Variants in MCFD2 observed in about 807,000 individuals in gnomAD.
MCFD2 encodes multiple coagulation factor deficiency 2, ER cargo receptor complex subunit.
A neutral mutation model predicts 12.8 loss-of-function variants in MCFD2; 11 were observed. That is an observed-to-expected ratio of 0.86 (90% confidence interval 0.54 to 1.42). MCFD2 has a LOEUF of 1.42. MCFD2 is among the 40% of genes most tolerant of loss of function. The pLI, the probability that MCFD2 is intolerant of heterozygous loss-of-function variation, is 0.00. For synonymous variants in MCFD2, 70 were observed against 68.1 expected, an observed-to-expected ratio of 1.03 and a Z score of -0.14; for missense variants, 191 against 178.6, an observed-to-expected ratio of 1.07 and a Z score of -0.40.
chr2:46,907,595 A>C lies in MCFD2; in HGVS notation c.309+215T>G. ...GTTTGTTTTGTAGAGACAGGGTCTC[A>C]CTATATTGCCAAGGCTGGTCTTGAA... On this transcript the variant is annotated intron_variant, in intron 3 of 3. Coordinates refer to ENST00000319466, the MANE Select transcript of MCFD2 (RefSeq NM_139279.6). The surrounding 1 kb of genome is among the most constrained non-coding windows in gnomAD (Gnocchi z 4.1). The C allele has an allele frequency of 1.7e-6, 1 of 589,646 alleles. No individual in the cohort carries two copies. The highest frequency in any genetic ancestry group is 3.0e-6 in the Non-Finnish European group (1 of 330,014). 36.5% of individuals were successfully genotyped at this position (589,646 alleles called of 1,614,324 possible).
upstream of MCFD2, among the ~76,000 whole-genome samples, chr2:46,916,966 T>A (rs944498879): frequency 6.6e-6 from 1 of 150,998 alleles, no homozygotes; most frequent in Non-Finnish European, 1.5e-5. Flanking sequence ...CTTCTCCCAT[T>A]TCTGTCCATA....
At chr2:46,917,086 G>A, upstream of MCFD2, 1 of 682,278 alleles carries the variant, frequency 1.5e-6, no homozygotes, top group Non-Finnish European at 2.6e-6. Flanking sequence ...GCCATTGACG[G>A]TCTCATTCCT....
intron 1 of MCFD2, among the ~76,000 whole-genome samples, chr2:46,921,405 C>T (rs1422679535): frequency 6.6e-6 from 1 of 152,116 alleles, no homozygotes; most frequent in Non-Finnish European, 1.5e-5. Context: ...ATTATAATAG[C>T]ATCCCAGAAC....
Position 46,907,702 on chromosome 2 carries a change from G to T in MCFD2, c.309+108C>A. The T allele has an allele frequency of 1.7e-6, 2 of 1,211,912 alleles. No homozygotes were observed. The highest frequency in any genetic ancestry group is 2.4e-6 in the Non-Finnish European group (2 of 827,446). The allele number at this position is 1,211,912 out of a possible 1,614,324, so 75.1% of individuals were successfully genotyped here. ...GCGAGCCATCATGCCCAGTGGAGAA[G>T]CAGCACTCTTGGCACATAAGGACAA... On this transcript the variant is annotated intron_variant, in intron 3 of 3. Transcript: ENST00000319466. This position sits in a 1 kb window ranked among gnomAD's most constrained non-coding sequence, Gnocchi z 4.1.
chr2:46,905,290 C>A lies in MCFD2; in HGVS notation c.*173G>T, dbSNP rs886056116. The stretch of plus-strand genomic sequence containing the variant: ...TTAGGGACTATTAGATGTCCCATTT[C>A]TCTTCTCTTTCATTTCTCTTATCTC... On this transcript the variant is annotated 3_prime_UTR_variant, in exon 4 of 4. Transcript: ENST00000319466. 2 of 707,828 alleles carry A rather than the reference C, an allele frequency of 2.8e-6. No individual in the cohort carries two copies. Among genetic ancestry groups the A allele is most frequent in the African/African-American group, 3.5e-5 (2 of 57,078 alleles). The allele number at this position is 707,828 out of a possible 1,614,324, so 43.8% of individuals were successfully genotyped here.
chr2:46,938,793 C>G (rs1390203361), intron 1 of MCFD2, among the ~76,000 whole-genome samples: 1 of 151,462 alleles, frequency 6.6e-6, no homozygotes, highest in African/African-American at 2.4e-5. Flanking sequence ...GCGGGCAGAT[C>G]ATGAGGTCAG....
intron 1 of MCFD2, among the ~76,000 whole-genome samples, chr2:46,914,608 A>C (rs1668624280): frequency 6.6e-6 from 1 of 152,204 alleles, no homozygotes; most frequent in Admixed American, 6.5e-5. Context: ...GACCGTACTA[A>C]CAGCACAAGG....
At position 46,904,954 on chromosome 2, in the gene MCFD2, A is replaced by G. The variant is rs1668155921; in HGVS notation, c.*509T>C. On this transcript the variant is annotated 3_prime_UTR_variant, in exon 4 of 4. Coordinates refer to ENST00000319466, the MANE Select transcript of MCFD2 (RefSeq NM_139279.6). Reference sequence around the variant, plus strand: ...TCCCACGTGTTGTGGGAGAGACCCAAGGGGAGGTAATTGAATCATGGGGGC... The same window carrying G: ...TCCCACGTGTTGTGGGAGAGACCCAGGGGGAGGTAATTGAATCATGGGGGC... 4.5e-6 allele frequency: 1 copy of G among 224,144 alleles called. No homozygotes were observed. The highest frequency in any genetic ancestry group is 6.6e-5 in the South Asian group (1 of 15,162). 13.9% of individuals were successfully genotyped at this position (224,144 alleles called of 1,614,324 possible).
intron 1 of MCFD2, among the ~76,000 whole-genome samples, chr2:46,927,326 A>G (rs1669438135): frequency 1.3e-5 from 2 of 151,990 alleles, no homozygotes; most frequent in African/African-American, 4.8e-5. Flanking sequence ...CCAAAGAAAA[A>G]TAATATTAAA....
At chr2:46,927,120 G>C (rs557894581) in intron 1 of MCFD2, among the ~76,000 whole-genome samples, 27 of 152,048 alleles carry the variant, frequency 1.8e-4, no homozygotes, top group Non-Finnish European at 4.0e-4. Context: ...ATTCAGTGAG[G>C]TCTTACTTGT....
Position 46,941,396 on chromosome 2 carries a change from C to G in MCFD2, c.-8+176G>C. ...TGCTGCTGCTGCTGCCCACCCTCCG[C>G]CGCCCGGGCCCCCGCTGCCGCCCGG... is the stretch of plus-strand genomic sequence containing the variant. On this transcript the variant is annotated intron_variant, in intron 1 of 2. Transcript: ENST00000409147. This position sits in a 1 kb window ranked among gnomAD's most constrained non-coding sequence, Gnocchi z 4.2. 7.9e-6 allele frequency: 5 copies of G among 635,416 alleles called. No individual in the cohort carries two copies. Among genetic ancestry groups the G allele is most frequent in the Non-Finnish European group, 1.0e-5 (5 of 478,264 alleles). The allele number at this position is 635,416 out of a possible 1,614,324, so 39.4% of individuals were successfully genotyped here.
At chr2:46,917,151 C>T (rs1299180107), upstream of MCFD2, 2 of 700,574 alleles carry the variant, frequency 2.9e-6, no homozygotes, top group East Asian at 5.4e-5. Flanking sequence ...AGAAAAATCC[C>T]ATAATCCCTA....
chr2:46,935,765 T>G (rs1045666538), intron 1 of MCFD2, among the ~76,000 whole-genome samples: 1 of 152,054 alleles, frequency 6.6e-6, no homozygotes, highest in Non-Finnish European at 1.5e-5. Flanking sequence ...GAGATGCAAG[T>G]CTTGTATTGG....
At chr2:46,938,837 C>T (rs976913085) in intron 1 of MCFD2, among the ~76,000 whole-genome samples, 1 of 151,364 alleles carries the variant, frequency 6.6e-6, no homozygotes, top group Non-Finnish European at 1.5e-5. Context: ...CATAGTGAAA[C>T]CCGTCTCTAC....
chr2:46,934,587 T>C (rs1055095042), intron 1 of MCFD2, among the ~76,000 whole-genome samples: 14 of 151,960 alleles, frequency 9.2e-5, no homozygotes, highest in African/African-American at 2.9e-4. Flanking sequence ...GACTTTTCAA[T>C]AGATAGACTC....
chr2:46,916,095 A>G (rs1460895869), upstream of MCFD2: 3 of 985,432 alleles, frequency 3.0e-6, no homozygotes, highest in East Asian at 1.1e-4. Flanking sequence ...TCCACGGGCG[A>G]CGTAGGATGG....
intron 1 of MCFD2, among the ~76,000 whole-genome samples, chr2:46,931,932 A>T (rs1023661834): frequency 6.6e-6 from 1 of 152,198 alleles, no homozygotes; most frequent in Non-Finnish European, 1.5e-5. Flanking sequence ...TTGATTCCAG[A>T]AATGTGAGGA....
rs756021929 is a variant in MCFD2, at chr2:46,909,066, G to A, written c.106C>T (p.Pro36Ser). 14 of 1,614,134 alleles carry A rather than the reference G, an allele frequency of 8.7e-6. No individual in the cohort carries two copies. The highest frequency in any genetic ancestry group is 9.3e-6 in the Non-Finnish European group (11 of 1,180,054). ...TTCTTATCCAGGCCCATGCTGCCGG[G>A]TTGGGAGAAGCTGGCTGCAGGCTCC... The part of the protein sequence containing the change: ...AEEPAASFSQ[P>S]GSMGLDKNTV... Residue 36 changes from proline (P) to serine (S), a missense_variant, in exon 2 of 4, where the codon CCC becomes TCC. Coordinates refer to ENST00000319466, the MANE Select transcript of MCFD2 (RefSeq NM_139279.6).
At chr2:46,939,937 G>A (rs370551718) in intron 1 of MCFD2, among the ~76,000 whole-genome samples, 87 of 152,262 alleles carry the variant, frequency 5.7e-4, no homozygotes, top group African/African-American at 2.0e-3. Flanking sequence ...GGCCTCTGGG[G>A]GTTCAGAACA....
Sources: allele counts gnomAD v4.1 joint callset (sites outside exome capture counted in the v4.1 genomes callset), GRCh38; gene constraint gnomAD v4.1.1; non-coding constraint Gnocchi (gnomAD v3.1); transcripts MANE v1.5; gene names NCBI Gene and HGNC (gene_info 2026-07-23, HGNC 2026-07-21).